The following ZNF780B variants were observed in gnomAD, a reference collection of about 807,000 sequenced individuals.
ZNF780B encodes zinc finger protein 780B.
A neutral mutation model predicts 74.1 loss-of-function variants in ZNF780B; 52 were observed. The ratio of observed to expected loss-of-function variants is 0.70; its 90% CI spans 0.56 to 0.88. The LOEUF (loss-of-function observed/expected upper bound fraction) is 0.88, where lower values mean the gene tolerates loss of function less well. ZNF780B is among the 40% of genes least tolerant of loss of function. ZNF780B has a pLI of 0.00. For synonymous variants in ZNF780B, 315 were observed against 324.3 expected (o/e 0.97, Z 0.31); for missense variants, 953 against 1,007.6 (o/e 0.95, Z 0.73).
At chr19:40,050,743 CT>C (rs1420878878) in intron 1 of ZNF780B, among the ~76,000 whole-genome samples, 1 of 152,244 alleles carries the variant, frequency 6.6e-6, no homozygotes, top group East Asian at 1.9e-4. Flanking sequence ...TCCTCCTCCC[CT>C]AGTCCACCTT....
At chr19:40,051,479 A>G (rs1308024652) in intron 1 of ZNF780B, among the ~76,000 whole-genome samples, 2 of 152,102 alleles carry the variant, frequency 1.3e-5, no homozygotes, top group South Asian at 2.1e-4. Context: ...ATGTTTTTCT[A>G]TGTATGTTAG....
At chr19:40,053,424 A>G (rs1450198970) in intron 1 of ZNF780B, among the ~76,000 whole-genome samples, 1 of 152,236 alleles carries the variant, frequency 6.6e-6, no homozygotes, top group Non-Finnish European at 1.5e-5. Context: ...TGTTGGTGAG[A>G]ATGTAGAGAA....
chr19:40,032,174 G>A lies in ZNF780B; in HGVS notation c.*2183C>T. On this transcript the variant is annotated 3_prime_UTR_variant, in exon 5 of 5. Coordinates refer to ENST00000434248, the MANE Select transcript of ZNF780B (RefSeq NM_001005851.3). The stretch of plus-strand genomic sequence containing the variant: ...ATTCAATGTCATTTTTTTAAAATGA[G>A]AAATGTTCTAGACCAGTGGCTCTCT... The A allele has an allele frequency of 2.3e-6, 1 of 427,220 alleles. No homozygotes were observed. The highest frequency in any genetic ancestry group is 1.7e-5 in the South Asian group (1 of 60,154). 26.5% of individuals were successfully genotyped at this position (427,220 alleles called of 1,614,324 possible).
intron 1 of ZNF780B, among the ~76,000 whole-genome samples, 153 bp from the exon 2 acceptor site, chr19:40,050,530 C>T (rs1973174056): frequency 6.6e-6 from 1 of 152,230 alleles, no homozygotes; most frequent in Admixed American, 6.5e-5. Context: ...TTTCCCTACA[C>T]ACACTCTCAC....
intron 4 of ZNF780B, among the ~76,000 whole-genome samples, chr19:40,046,047 T>C (rs929839598): frequency 6.6e-6 from 1 of 151,666 alleles, no homozygotes; most frequent in Non-Finnish European, 1.5e-5. Context: ...TAAAAAAAGA[T>C]CTCACAGAGG....
intron 1 of ZNF780B, among the ~76,000 whole-genome samples, chr19:40,054,461 A>G (rs986860263): frequency 6.6e-6 from 1 of 152,214 alleles, no homozygotes; most frequent in African/African-American, 2.4e-5. Flanking sequence ...GTCATTCCAC[A>G]ATGTACATAT....
Position 40,031,939 on chromosome 19 carries a change from A to G in ZNF780B, c.*2418T>C, listed in dbSNP as rs1972021591. On this transcript the variant is annotated 3_prime_UTR_variant, in exon 5 of 5. Coordinates refer to ENST00000434248, the MANE Select transcript of ZNF780B (RefSeq NM_001005851.3). ...TGATCATCCTTAGTTTCACTAATGC[A>G]AGGACCTGTACTTAAATGTTTTCTG... is the stretch of plus-strand genomic sequence containing the variant. 3 of 382,308 alleles carry G rather than the reference A, an allele frequency of 7.8e-6. No individual in the cohort carries two copies. Among genetic ancestry groups the G allele is most frequent in the African/African-American group, 6.4e-5 (3 of 47,238 alleles). The allele number at this position is 382,308 out of a possible 1,614,324, so 23.7% of individuals were successfully genotyped here.
intron 4 of ZNF780B, among the ~76,000 whole-genome samples, chr19:40,037,583 T>C (rs1359142222): frequency 1.3e-5 from 2 of 152,210 alleles, no homozygotes; most frequent in Non-Finnish European, 1.5e-5. Context: ...GCCAAAGCTG[T>C]ATTTTTAATA....
intron 1 of ZNF780B, among the ~76,000 whole-genome samples, chr19:40,055,847 A>G (rs550763235): frequency 3.3e-5 from 5 of 152,248 alleles, no homozygotes; most frequent in Admixed American, 2.6e-4. Flanking sequence ...TTTGAAGGGG[A>G]AAGACGGAGG....
rs1972271063 is a variant in ZNF780B at position 40,035,904 on chromosome 19, G to A, written c.955C>T (p.Gln319Ter). The A allele has an allele frequency of 3.1e-6, 5 of 1,612,566 alleles. No individual in the cohort carries two copies. The highest frequency in any genetic ancestry group is 2.5e-6 in the Non-Finnish European group (3 of 1,179,660). The change falls in exon 5 of 5, where the codon CAA becomes TAA. Residue 319 changes from glutamine (Q) to a stop codon, truncating the protein, a stop_gained. Coordinates refer to ENST00000434248, the MANE Select transcript of ZNF780B (RefSeq NM_001005851.3). LOFTEE classifies it high-confidence loss of function. ...ECEMAFRYHYQLIEHCRIHTG... is the reference protein window; with the variant it reads ...ECEMAFRYHY ...TGAATTCGGCAATGTTCAATGAGTT[G>A]GTAATGATATCGAAAGGCCATCTCA... is the stretch of plus-strand genomic sequence containing the variant.
chr19:40,038,717 T>C (rs1285594401), intron 4 of ZNF780B, among the ~76,000 whole-genome samples: 1 of 152,228 alleles, frequency 6.6e-6, no homozygotes, highest in Non-Finnish European at 1.5e-5. Flanking sequence ...TGTCTTCTTT[T>C]GAGAAGCGTC....
At chr19:40,041,255 C>T (rs555081798) in intron 4 of ZNF780B, among the ~76,000 whole-genome samples, 3 of 152,050 alleles carry the variant, frequency 2.0e-5, no homozygotes, top group Non-Finnish European at 4.4e-5. Context: ...GTTTGATTGC[C>T]CTGTGGTCTG....
At position 40,054,564 on chromosome 19, in the gene ZNF780B, C is replaced by T. The variant is rs1405193234; in HGVS notation, c.-46+1625G>A. On this transcript the variant is annotated intron_variant, in intron 1 of 4. Transcript: ENST00000434248. ...TGTCCTAGATCATTTGAGCAACTCA[C>T]TCATTTTCTTACTATGCAAGCAGCA... Among the ~76,000 whole-genome samples the T allele has an allele frequency of 2.0e-5, 3 of 152,324 alleles. No individual in the cohort carries two copies. The East Asian group carries it at 5.8e-4, about 29-fold the overall frequency.
intron 4 of ZNF780B, among the ~76,000 whole-genome samples, chr19:40,042,913 T>G (rs943843565): frequency 6.6e-6 from 1 of 152,378 alleles, no homozygotes; most frequent in East Asian, 1.9e-4. Flanking sequence ...GTCAAAGTCA[T>G]TCTCTGTCCA....
rs1971937182 is a variant in ZNF780B at position 40,028,462 on chromosome 19, G to A, written c.*5895C>T. 6.6e-6 allele frequency: 1 copy of A among 152,162 alleles called. No homozygotes were observed. Among genetic ancestry groups the A allele is most frequent in the African/African-American group, 2.4e-5 (1 of 41,442 alleles). The allele number at this position is 152,162 out of a possible 1,614,324, so 9.4% of individuals were successfully genotyped here. On this transcript the variant is annotated 3_prime_UTR_variant, in exon 5 of 5. Transcript: ENST00000434248. ...TTATGGGTACTGTGATTTCAATAGG[G>A]TGTGGGATAAGTACATGACAACATG... is the stretch of plus-strand genomic sequence containing the variant.
chr19:40,049,249 A>AG (rs1354099347), intron 2 of ZNF780B, among the ~76,000 whole-genome samples: 8 of 151,292 alleles, frequency 5.3e-5, no homozygotes, highest in Non-Finnish European at 1.0e-4. Context: ...AAAAAAAAAA[A>AG]AAAAAAAAAA....
At chr19:40,054,641 G>A (rs1973397969) in intron 1 of ZNF780B, among the ~76,000 whole-genome samples, 1 of 152,150 alleles carries the variant, frequency 6.6e-6, no homozygotes, top group South Asian at 2.1e-4. Context: ...AAAGTCAAGG[G>A]AAATGACCTA....
At chr19:40,046,108 G>A (rs181038627) in intron 4 of ZNF780B, among the ~76,000 whole-genome samples, 177 of 152,246 alleles carry the variant, frequency 1.2e-3, no homozygotes, top group African/African-American at 4.1e-3. Flanking sequence ...TGTGGGTGAG[G>A]GGTGGGGGAT....
intron 4 of ZNF780B, among the ~76,000 whole-genome samples, chr19:40,041,001 G>T (rs1972608829): frequency 6.6e-6 from 1 of 152,132 alleles, no homozygotes; most frequent in South Asian, 2.1e-4. Flanking sequence ...TGATGTTAGG[G>T]TGTCAATTTT....
Sources: gnomAD v4.1 joint callset for allele counts (sites outside exome capture counted in the v4.1 genomes callset) on GRCh38, gnomAD v4.1.1 for gene constraint, MANE v1.5 for transcripts, NCBI Gene and HGNC (gene_info 2026-07-23, HGNC 2026-07-21) for gene names.